Variants in SLC16A10 observed in about 807,000 individuals in gnomAD.
SLC16A10 encodes the protein solute carrier family 16 member 10.
A neutral mutation model predicts 40.0 loss-of-function variants in SLC16A10; 27 were observed. The ratio of observed to expected loss-of-function variants is 0.67; its 90% CI spans 0.50 to 0.93. SLC16A10 has a LOEUF of 0.93. SLC16A10 is among the 40% of genes least tolerant of loss of function. The pLI, the probability that SLC16A10 is intolerant of heterozygous loss-of-function variation, is 0.00. For synonymous variants in SLC16A10, 213 were observed against 249.8 expected (o/e 0.85, Z 1.39); for missense variants, 529 against 658.2 (o/e 0.80, Z 2.15).
chr6:111,197,068 G>C (rs1773091034), intron 3 of SLC16A10, among the ~76,000 whole-genome samples: 1 of 152,136 alleles, frequency 6.6e-6, no homozygotes, highest in Admixed American at 6.5e-5. Flanking sequence ...GCTGATCTAG[G>C]CCTACTCAAC....
rs1772601757 is a variant in SLC16A10 at position 111,172,387 on chromosome 6, T to A, written c.344-308T>A. On this transcript the variant is annotated intron_variant, in intron 1 of 5. Transcript: ENST00000368851. Reference sequence around the variant, plus strand: ...TCCTGTTGGTTTTCATTTTTGAGTTTTTATGGAATCTGACTTCTGATTCTC... The same window carrying A: ...TCCTGTTGGTTTTCATTTTTGAGTTATTATGGAATCTGACTTCTGATTCTC... Among the ~76,000 whole-genome samples, 4 of 152,330 alleles carry A rather than the reference T, an allele frequency of 2.6e-5. No individual in the cohort carries two copies. The South Asian group carries it at 8.3e-4, about 32-fold the overall frequency.
intron 1 of SLC16A10, among the ~76,000 whole-genome samples, chr6:111,105,001 C>T (rs1178398215): frequency 1.3e-5 from 2 of 151,880 alleles, no homozygotes; most frequent in Non-Finnish European, 2.9e-5. Flanking sequence ...TATATTTTTA[C>T]TATCCCTGTC....
intron 3 of SLC16A10, among the ~76,000 whole-genome samples, chr6:111,192,803 A>G (rs1381198798): frequency 6.6e-6 from 1 of 152,096 alleles, no homozygotes; most frequent in Non-Finnish European, 1.5e-5. Context: ...AAACCATCAG[A>G]TCTCATGAGA....
At chr6:111,180,540 C>T (rs1194528386) in intron 3 of SLC16A10, among the ~76,000 whole-genome samples, 5 of 151,832 alleles carry the variant, frequency 3.3e-5, no homozygotes, top group Admixed American at 6.6e-5. Flanking sequence ...CTGAGTAAGA[C>T]CCTATCTCTA....
chr6:111,101,564 T>C (rs1237018014), intron 1 of SLC16A10, among the ~76,000 whole-genome samples: 1 of 152,218 alleles, frequency 6.6e-6, no homozygotes, highest in Non-Finnish European at 1.5e-5. Flanking sequence ...TAATTAAATG[T>C]TGATATTCTC....
Position 111,193,442 on chromosome 6 carries a change from G to C in SLC16A10, c.943-13150G>C, listed in dbSNP as rs1773029562. 8.9e-6 allele frequency: 4 copies of C among 448,924 alleles called. No homozygotes were observed. The South Asian group carries it at 3.7e-4, about 42-fold the overall frequency. 27.8% of individuals were successfully genotyped at this position (448,924 alleles called of 1,614,324 possible). A position where few individuals can be genotyped will look rare whatever the true frequency, so the allele number is the denominator to read the frequency against. On this transcript the variant is annotated intron_variant, in intron 3 of 5. Coordinates refer to ENST00000368851, the MANE Select transcript of SLC16A10 (RefSeq NM_018593.5). ...CTGACCACTTGTTTACTCATTCATG[G>C]GGACATTTAATATTTACAGAACACT...
intron 1 of SLC16A10, among the ~76,000 whole-genome samples, chr6:111,094,717 A>C (rs1771042817): frequency 6.6e-6 from 1 of 152,152 alleles, no homozygotes; most frequent in Non-Finnish European, 1.5e-5. Flanking sequence ...AGCTCACTGC[A>C]GCCTCAAACT....
At chr6:111,208,915 A>T (rs942855584) in intron 4 of SLC16A10, among the ~76,000 whole-genome samples, 1 of 152,166 alleles carries the variant, frequency 6.6e-6, no homozygotes, top group Non-Finnish European at 1.5e-5. Flanking sequence ...AGCTATTTTT[A>T]AAAAGGCCAG....
At chr6:111,150,791 C>T (rs1182978565) in intron 1 of SLC16A10, among the ~76,000 whole-genome samples, 1 of 152,164 alleles carries the variant, frequency 6.6e-6, no homozygotes, top group African/African-American at 2.4e-5. Flanking sequence ...TGAGAAGTCC[C>T]TGAATGGATA....
intron 4 of SLC16A10, among the ~76,000 whole-genome samples, chr6:111,215,417 A>G (rs1336094710): frequency 7.2e-6 from 1 of 138,348 alleles, no homozygotes; most frequent in African/African-American, 2.6e-5. Flanking sequence ...CTGGTGTTAA[A>G]AAAAAAAAAA....
chr6:111,212,800 TA>T (rs777927203), intron 4 of SLC16A10, among the ~76,000 whole-genome samples: 12 of 56,854 alleles, frequency 2.1e-4, no homozygotes, highest in African/African-American at 3.0e-4. Context: ...CTCAAAAAAA[TA>T]AAAAAATAAA....
At chr6:111,189,791 T>C (rs1025955104) in intron 3 of SLC16A10, among the ~76,000 whole-genome samples, 3 of 152,184 alleles carry the variant, frequency 2.0e-5, no homozygotes, top group Non-Finnish European at 2.9e-5. Flanking sequence ...GTCCCCATGA[T>C]TTAATTACCT....
intron 1 of SLC16A10, among the ~76,000 whole-genome samples, chr6:111,089,247 A>G (rs987769637): frequency 6.6e-6 from 1 of 152,228 alleles, no homozygotes; most frequent in Non-Finnish European, 1.5e-5. Flanking sequence ...AAAACCTGAC[A>G]TAAATACTAT....
Position 111,201,215 on chromosome 6 carries a change from C to T in SLC16A10, c.943-5377C>T, listed in dbSNP as rs189409666. On this transcript the variant is annotated intron_variant, in intron 3 of 5. Transcript: ENST00000368851. Reference sequence around the variant, plus strand: ...ATGAGAGAATCAAAATCATTATAAACGAATACAGATGATGACTGGGTGACT... The same window carrying T: ...ATGAGAGAATCAAAATCATTATAAATGAATACAGATGATGACTGGGTGACT... Among the ~76,000 whole-genome samples the T allele has an allele frequency of 3.3e-5, 5 of 152,228 alleles. No individual in the cohort carries two copies. The East Asian group carries it at 7.7e-4, about 23-fold the overall frequency.
rs920777033 is a variant in SLC16A10, at chr6:111,221,737, C to A, written c.1316-266C>A. Among the ~76,000 whole-genome samples the A allele has an allele frequency of 8.6e-5, 13 of 151,354 alleles. 1 individual carries two copies. The highest frequency in any genetic ancestry group is 1.3e-4 in the Admixed American group (2 of 15,222). On this transcript the variant is annotated intron_variant, in intron 5 of 5. Transcript: ENST00000368851. ...CTCCAGCCTGGGTGACACAGTGAGA[C>A]CCTGTCTCAAAAAAAAAAAAACGTC...
chr6:111,207,041 G>A (rs925079134), intron 4 of SLC16A10, among the ~76,000 whole-genome samples: 8 of 152,160 alleles, frequency 5.3e-5, no homozygotes, highest in African/African-American at 1.9e-4. Context: ...ATGTTGGTCA[G>A]GCTGGTCTTG....
chr6:111,112,415 T>C (rs1771406076), intron 1 of SLC16A10, among the ~76,000 whole-genome samples: 1 of 149,708 alleles, frequency 6.7e-6, no homozygotes, highest in South Asian at 2.1e-4. Flanking sequence ...TTTCTAACTA[T>C]TTGGTTGTAA....
intron 1 of SLC16A10, among the ~76,000 whole-genome samples, chr6:111,126,566 A>G (rs1345994095): frequency 6.6e-6 from 1 of 152,056 alleles, no homozygotes; most frequent in African/African-American, 2.4e-5. Context: ...TTTCTTTTTG[A>G]TCTAGTTAGA....
At chr6:111,146,815 T>C (rs967105997) in intron 1 of SLC16A10, among the ~76,000 whole-genome samples, 3 of 151,720 alleles carry the variant, frequency 2.0e-5, no homozygotes, top group Non-Finnish European at 4.4e-5. Context: ...TGCCCATCAG[T>C]AGATGAATGG....
Sources: allele counts gnomAD v4.1 joint callset (sites outside exome capture counted in the v4.1 genomes callset), GRCh38; gene constraint gnomAD v4.1.1; transcripts MANE v1.5; gene names NCBI Gene and HGNC (gene_info 2026-07-23, HGNC 2026-07-21).